The following MORC3 variants were observed in gnomAD, a reference collection of about 807,000 sequenced individuals.
MORC3 encodes MORC family CW-type zinc finger 3.
Under a neutral mutation model 109.1 loss-of-function variants are expected in MORC3, and 31 were observed. That is an observed-to-expected ratio of 0.28 (90% CI 0.21 to 0.38). The LOEUF (loss-of-function observed/expected upper bound fraction) is 0.38, where lower values mean the gene tolerates loss of function less well. MORC3 is among the 10% of genes least tolerant of loss of function. The probability of loss-of-function intolerance (pLI) is 1.00; values close to 1 mark genes in which losing one functional copy is unlikely to be tolerated. For synonymous variants in MORC3, 395 were observed against 380.7 expected (o/e 1.04, Z -0.44); for missense variants, 867 against 1,135.8 (o/e 0.76, Z 3.40).
intron 1 of MORC3, among the ~76,000 whole-genome samples, chr21:36,321,095 T>C (rs2085189170): frequency 6.6e-6 from 1 of 152,178 alleles, no homozygotes; most frequent in Non-Finnish European, 1.5e-5. Flanking sequence ...GTTGTTGACT[T>C]TTGCCAAAGA....
At chr21:36,320,589 C>G in intron 1 of MORC3, 1 of 313,630 alleles carries the variant, frequency 3.2e-6, no homozygotes, top group Non-Finnish European at 5.8e-6. Context: ...CAGCTGTCGT[C>G]CGCGGGCGAG....
At chr21:36,375,063 T>A in intron 16 of MORC3, 80 bp from the exon 17 acceptor site, 2 of 1,376,740 alleles carry the variant, frequency 1.5e-6, no homozygotes, top group Non-Finnish European at 2.0e-6. Context: ...GAGATTTGAT[T>A]TTGATATTTT....
At chr21:36,359,364 G>A (rs2146327453) in intron 10 of MORC3, among the ~76,000 whole-genome samples, 1 of 152,190 alleles carries the variant, frequency 6.6e-6, no homozygotes, top group South Asian at 2.1e-4. Context: ...TCATACTCCT[G>A]TGCTCAAGCG....
chr21:36,353,355 CAAAAA>C lies in MORC3; in HGVS notation c.1104-3244_1104-3240del, dbSNP rs35837458. ...TTGGTGACAGAGAGAGACTCTGTCT[CAAAAA>C]AAAAAAAAAAAAAAAAAAAATCATG... On this transcript the variant is annotated intron_variant, in intron 9 of 16. Coordinates refer to ENST00000400485, the MANE Select transcript of MORC3 (RefSeq NM_015358.3). 4.9e-3 allele frequency among the ~76,000 whole-genome samples: 270 copies of C among 55,654 alleles called. 1 individual carries two copies. Among genetic ancestry groups the C allele is most frequent in the African/African-American group, 0.019 (246 of 12,856 alleles). The allele number at this position is 55,654 out of a possible 152,430, so 36.5% of individuals were successfully genotyped here.
In MORC3 at chr21:36,369,263, G is replaced by A; in HGVS notation, c.1895G>A (p.Cys632Tyr). 1.2e-6 allele frequency: 2 copies of A among 1,614,176 alleles called. No individual in the cohort carries two copies. The highest frequency in any genetic ancestry group is 1.7e-6 in the Non-Finnish European group (2 of 1,180,038). ...TGSTSTSSSR[C>Y]DQGNTAATQT... is the part of the protein sequence containing the mutation. ...TCAACAAGCACCTCATCATCCCGAT[G>A]CGACCAGGGAAATACTGCAGCTACC... Residue 632 changes from cysteine to tyrosine, a missense_variant, in exon 15 of 17, where the codon TGC becomes TAC. Transcript: ENST00000400485.
chr21:36,320,376 T>C (rs2085176817), intron 1 of MORC3, 73 bp downstream of exon 1: 1 of 1,187,946 alleles, frequency 8.4e-7, no homozygotes, highest in Non-Finnish European at 1.1e-6. Context: ...GGGCCGGCAG[T>C]GGGCGGTGGC....
At chr21:36,335,384 C>G (rs953572022) in intron 2 of MORC3, among the ~76,000 whole-genome samples, 6 of 149,310 alleles carry the variant, frequency 4.0e-5, no homozygotes, top group African/African-American at 1.5e-4. Context: ...GGCACAGTCT[C>G]GGCTCACTGC....
At chr21:36,350,717 A>T (rs528958021) in intron 9 of MORC3, among the ~76,000 whole-genome samples, 6 of 152,184 alleles carry the variant, frequency 3.9e-5, no homozygotes, top group African/African-American at 1.4e-4. Context: ...GATAGCACAA[A>T]TAAATTTTCT....
At chr21:36,349,154 T>C (rs997634504) in intron 8 of MORC3, among the ~76,000 whole-genome samples, 157 bp from the exon 9 acceptor site, 3 of 151,156 alleles carry the variant, frequency 2.0e-5, no homozygotes, top group Admixed American at 1.3e-4. Context: ...TGAGACTCTG[T>C]CTCAAAAAAA....
chr21:36,372,469 G>T lies in MORC3; in HGVS notation c.2604G>T (p.Thr868=). 6.2e-7 allele frequency: 1 copy of T among 1,609,094 alleles called. No homozygotes were observed. The highest frequency in any genetic ancestry group is 1.1e-5 in the South Asian group (1 of 89,934). ...AGTTAAAATCTACAAATCAACAGAC[G>T]GCAACAGATGTTTCAACATCAAGTA... ...VEQLKSTNQQ[T]ATDVSTSSNI... is the part of the protein sequence containing the mutation. Residue 868 remains threonine (T), a synonymous_variant, in exon 16 of 17, where the codon ACG becomes ACT. Coordinates refer to ENST00000400485, the MANE Select transcript of MORC3 (RefSeq NM_015358.3).
intron 4 of MORC3, among the ~76,000 whole-genome samples, chr21:36,338,286 T>G (rs1366194108): frequency 1.3e-5 from 2 of 152,356 alleles, no homozygotes; most frequent in East Asian, 3.9e-4. Flanking sequence ...AAATGCCTTT[T>G]GTATGAACAC....
At chr21:36,363,095 C>T (rs113078884) in intron 13 of MORC3, among the ~76,000 whole-genome samples, 405 of 152,080 alleles carry the variant, frequency 2.7e-3, no homozygotes, top group Non-Finnish European at 4.1e-3. Flanking sequence ...CTAGGCTTAC[C>T]GTAGAGTTAC....
chr21:36,341,623 C>T (rs1482076960), intron 6 of MORC3, 77 bp downstream of exon 6: 3 of 1,570,136 alleles, frequency 1.9e-6, no homozygotes, highest in Middle Eastern at 1.7e-4. Flanking sequence ...ATGTTACCTG[C>T]TTGTGATAGA....
At chr21:36,364,312 C>T (rs1601538016) in intron 14 of MORC3, 53 bp downstream of exon 14, 3 of 1,548,728 alleles carry the variant, frequency 1.9e-6, no homozygotes, top group Non-Finnish European at 2.7e-6. Context: ...AGAGCTTTTA[C>T]TTGACACTTC....
intron 15 of MORC3, among the ~76,000 whole-genome samples, chr21:36,371,297 G>T (rs2085863963): frequency 6.6e-6 from 1 of 152,070 alleles, no homozygotes; most frequent in African/African-American, 2.4e-5. Context: ...TGATGTCTTG[G>T]CTCAGGAGTT....
At position 36,369,535 on chromosome 21, in the gene MORC3, C is replaced by G. The variant is rs777353255; in HGVS notation, c.2167C>G (p.Gln723Glu). The stretch of plus-strand genomic sequence containing the variant: ...AAGACAGTGTCATATGTTTACTGAT[C>G]AAATCAAAGTGTTACAACAGAGGAT... ...YKRQCHMFTD[Q>E]IKVLQQRILE... is the part of the protein sequence containing the mutation. The change falls in exon 15 of 17, where the codon CAA (glutamine) becomes GAA (glutamate). Residue 723 changes from glutamine to glutamate, a missense_variant. Physicochemically the swap from Gln to Glu is conservative, Grantham distance 29. Transcript: ENST00000400485. 5.0e-6 allele frequency: 8 copies of G among 1,614,066 alleles called. No individual in the cohort carries two copies. The South Asian group carries it at 6.6e-5, about 13-fold the overall frequency.
intron 14 of MORC3, among the ~76,000 whole-genome samples, chr21:36,367,163 GT>G (rs1242033029): frequency 2.0e-5 from 3 of 152,190 alleles, no homozygotes; most frequent in Non-Finnish European, 4.4e-5. Context: ...TTATGGAGCA[GT>G]TTTTACTGCT....
intron 15 of MORC3, among the ~76,000 whole-genome samples, chr21:36,370,639 ATTTTTTTTTTTTTTT>A (rs869169013): frequency 3.7e-3 from 137 of 37,488 alleles, no homozygotes; most frequent in South Asian, 6.0e-3. Flanking sequence ...ATATATATAT[ATTTTTTTTTTTTTTT>A]TTTTTTTTTT....
chr21:36,349,287 G>A (rs1487201190), intron 8 of MORC3, 24 bp from the exon 9 acceptor site: 1 of 1,517,852 alleles, frequency 6.6e-7, no homozygotes, highest in Non-Finnish European at 9.1e-7. Flanking sequence ...TGCTTAAAAT[G>A]CTGATTTCAT....
Sources: allele counts gnomAD v4.1 joint callset (sites outside exome capture counted in the v4.1 genomes callset), GRCh38; gene constraint gnomAD v4.1.1; transcripts MANE v1.5; gene names NCBI Gene and HGNC (gene_info 2026-07-23, HGNC 2026-07-21).